Variants in NAP1L4 observed in about 807,000 individuals in gnomAD.
The protein encoded by NAP1L4 is nucleosome assembly protein 1 like 4, also known as nucleosome assembly protein 1-like 4.
In NAP1L4, 15 loss-of-function variants were observed where a neutral mutation model predicts 58.2. The ratio of observed to expected loss-of-function variants is 0.26; its 90% CI spans 0.17 to 0.40. NAP1L4 has a LOEUF of 0.40. Among genes scored for constraint, NAP1L4 ranks in the 10% least tolerant of loss-of-function variants. NAP1L4 has a pLI of 1.00. For synonymous variants in NAP1L4, 171 were observed against 155.6 expected, an observed-to-expected ratio of 1.10 and a Z score of -0.74; for missense variants, 384 against 451.1, an observed-to-expected ratio of 0.85 and a Z score of 1.35.
At chr11:2,957,538 C>T (rs1308802163) in intron 10 of NAP1L4, among the ~76,000 whole-genome samples, 2 of 152,196 alleles carry the variant, frequency 1.3e-5, no homozygotes, top group Non-Finnish European at 2.9e-5. Context: ...GGGCTGGCAT[C>T]TCTTCACTTC....
intron 8 of NAP1L4, among the ~76,000 whole-genome samples, chr11:2,961,125 C>G (rs1304282231): frequency 1.3e-5 from 2 of 151,586 alleles, no homozygotes; most frequent in African/African-American, 2.4e-5. Context: ...AAACCATCAA[C>G]GGGGGGGAAA....
At chr11:2,958,690 G>T in intron 9 of NAP1L4, 146 bp from the exon 10 acceptor site, 2 of 775,134 alleles carry the variant, frequency 2.6e-6, no homozygotes, top group South Asian at 2.0e-5. Context: ...GGCCCATGAA[G>T]TTCATCTGGA....
chr11:2,971,419 A>G lies in NAP1L4; in HGVS notation c.402+29T>C, dbSNP rs1847629657. On this transcript the variant is annotated intron_variant, in intron 6 of 15. Coordinates refer to ENST00000380542, the MANE Select transcript of NAP1L4 (RefSeq NM_005969.4). The surrounding 1 kb of genome is among the most constrained non-coding windows in gnomAD (Gnocchi z 4.2). Reference sequence around the variant, plus strand: ...TTATTTTTAACAGTATTAAAACAGAACATGAGTCACATGTTTCTAAAGACT... The same window carrying G: ...TTATTTTTAACAGTATTAAAACAGAGCATGAGTCACATGTTTCTAAAGACT... The G allele has an allele frequency of 6.3e-7, 1 of 1,592,116 alleles. No individual in the cohort carries two copies. The highest frequency in any genetic ancestry group is 1.7e-5 in the Admixed American group (1 of 59,806).
rs554638540 is a variant in NAP1L4, at chr11:2,951,926, C to G, written c.1036-117G>C. 9.2e-5 allele frequency: 91 copies of G among 991,014 alleles called. No individual in the cohort carries two copies. The highest frequency in any genetic ancestry group is 1.4e-4 in the Non-Finnish European group (87 of 626,476). 61.4% of individuals were successfully genotyped at this position (991,014 alleles called of 1,614,324 possible). ...GCCTAAGAGGAGCAGAAAGTCCAGC[C>G]ACGCTGCCTGCTGGGCCTCGCTTGC... On this transcript the variant is annotated intron_variant, in intron 12 of 15. Transcript: ENST00000380542. This position sits in a 1 kb window ranked among gnomAD's most constrained non-coding sequence, Gnocchi z 4.0.
chr11:2,956,430 A>G (rs1332762361), intron 10 of NAP1L4, among the ~76,000 whole-genome samples: 1 of 152,172 alleles, frequency 6.6e-6, no homozygotes, highest in Non-Finnish European at 1.5e-5. Flanking sequence ...AACATTTACT[A>G]CAAGACCCTG....
At position 2,959,636 on chromosome 11, in the gene NAP1L4, C is replaced by T; in HGVS notation, c.746+134G>A. On this transcript the variant is annotated intron_variant, in intron 9 of 15. Transcript: ENST00000380542. The surrounding 1 kb of genome is among the most constrained non-coding windows in gnomAD (Gnocchi z 4.9). ...CAAACTGAAAGACTATTGAAATATACATCTACCAGGCTTTTAGGCTTTTAA... is the reference window on the plus strand; with the variant it reads ...CAAACTGAAAGACTATTGAAATATATATCTACCAGGCTTTTAGGCTTTTAA... The T allele has an allele frequency of 1.9e-6, 2 of 1,031,582 alleles. No homozygotes were observed. The highest frequency in any genetic ancestry group is 2.8e-5 in the Admixed American group (1 of 36,002). The allele number at this position is 1,031,582 out of a possible 1,614,324, so 63.9% of individuals were successfully genotyped here.
At position 2,984,090 on chromosome 11, in the gene NAP1L4, T is replaced by TG. The variant is rs60032484; in HGVS notation, c.-17-4854dup. On this transcript the variant is annotated intron_variant, in intron 1 of 15. Transcript: ENST00000380542. ...AGAAGCAACACTCAAGCCCAGGAGT[T>TG]GGAGGCCTGGCGGCTGCAGTGAGCT... Among the ~76,000 whole-genome samples, 7 of 144,184 alleles carry TG rather than the reference T, an allele frequency of 4.9e-5. No homozygotes were observed. In the East Asian group the frequency reaches 1.2e-3, roughly 25 times the overall value. 94.6% of individuals were successfully genotyped at this position (144,184 alleles called of 152,430 possible).
chr11:2,964,577 C>G, intron 8 of NAP1L4, 103 bp downstream of exon 8: 6 of 896,114 alleles, frequency 6.7e-6, no homozygotes, highest in Non-Finnish European at 1.1e-5. Context: ...AGATGAGTGG[C>G]TGGGTGTGGG....
intron 7 of NAP1L4, among the ~76,000 whole-genome samples, chr11:2,966,425 C>CAACAGA (rs1847281479): frequency 1.3e-5 from 2 of 151,832 alleles, no homozygotes; most frequent in Non-Finnish European, 2.9e-5. Context: ...ACAGACCTCT[C>CAACAGA]CCTATTTATC....
At position 2,947,070 on chromosome 11, in the gene NAP1L4, G is replaced by A. The variant is rs1024074154; in HGVS notation, c.*33-1424C>T. Among the ~76,000 whole-genome samples, 5 of 152,114 alleles carry A rather than the reference G, an allele frequency of 3.3e-5. 1 individual carries two copies. The highest frequency in any genetic ancestry group is 9.7e-5 in the African/African-American group (4 of 41,408). On this transcript the variant is annotated intron_variant, in intron 15 of 15. Coordinates refer to ENST00000380542, the MANE Select transcript of NAP1L4 (RefSeq NM_005969.4). ...CCATCTTTATGTACATTTAAATTAC[G>A]CAAATACTATGTCATGTCATACACA...
At chr11:2,960,520 A>C (rs1395562016) in intron 8 of NAP1L4, among the ~76,000 whole-genome samples, 3 of 152,024 alleles carry the variant, frequency 2.0e-5, no homozygotes, top group South Asian at 4.1e-4. Context: ...GGCATAGAAC[A>C]ACCAACAGCA....
intron 1 of NAP1L4, among the ~76,000 whole-genome samples, chr11:2,984,528 G>C (rs1280088585): frequency 6.6e-6 from 1 of 152,138 alleles, no homozygotes; most frequent in Non-Finnish European, 1.5e-5. Context: ...CCGAGATCTC[G>C]CCATTGCACT....
chr11:2,985,925 A>G (rs535045208), intron 1 of NAP1L4, among the ~76,000 whole-genome samples: 2 of 152,350 alleles, frequency 1.3e-5, no homozygotes, highest in African/African-American at 2.4e-5. Flanking sequence ...TTTTATTTAT[A>G]TTAGTCACTG....
chr11:2,960,043 T>A (rs1846772474), intron 8 of NAP1L4, 134 bp from the exon 9 acceptor site: 2 of 868,328 alleles, frequency 2.3e-6, no homozygotes, highest in Middle Eastern at 3.5e-4. Flanking sequence ...AAGAAAAACT[T>A]CTCCACCGCA....
chr11:2,945,751 G>A (rs1296567268), intron 15 of NAP1L4, 105 bp from the exon 16 acceptor site: 2 of 887,784 alleles, frequency 2.3e-6, no homozygotes, highest in East Asian at 3.0e-5. Context: ...CATTCTCATT[G>A]AAAAAAATGG....
intron 8 of NAP1L4, among the ~76,000 whole-genome samples, chr11:2,960,585 T>C (rs942971823): frequency 1.3e-5 from 2 of 152,140 alleles, no homozygotes; most frequent in South Asian, 2.1e-4. Context: ...CAAAATGAGA[T>C]GCCTTTCTTT....
chr11:2,969,136 G>A (rs934450676), intron 7 of NAP1L4, among the ~76,000 whole-genome samples: 8 of 151,572 alleles, frequency 5.3e-5, no homozygotes, highest in African/African-American at 9.7e-5. Flanking sequence ...GACCACAGGC[G>A]CACACCACAA....
Position 2,951,673 on chromosome 11 carries a change from C to CA in NAP1L4, c.1065+106dup. On this transcript the variant is annotated intron_variant, in intron 13 of 15. Transcript: ENST00000380542. The surrounding 1 kb of genome is among the most constrained non-coding windows in gnomAD (Gnocchi z 4.0). ...ATTCTTAGAATCAAAGACAGCGTCA[C>CA]AAAAAATGGGTTTAACACAGCCCTG... The CA allele has an allele frequency of 4.5e-6, 5 of 1,112,612 alleles. No homozygotes were observed. The highest frequency in any genetic ancestry group is 6.7e-6 in the Non-Finnish European group (5 of 744,324). 68.9% of individuals were successfully genotyped at this position (1,112,612 alleles called of 1,614,324 possible).
At position 2,971,659 on chromosome 11, in the gene NAP1L4, G is replaced by A. The variant is rs1847642635; in HGVS notation, c.316-125C>T. 2 of 785,902 alleles carry A rather than the reference G, an allele frequency of 2.5e-6. No homozygotes were observed. Among genetic ancestry groups the A allele is most frequent in the Non-Finnish European group, 3.9e-6 (2 of 510,700 alleles). 48.7% of individuals were successfully genotyped at this position (785,902 alleles called of 1,614,324 possible). ...TGGATATTTTTATAACTTATTTTAA[G>A]ATTCTAAATTTTAGGGTTCAAAGAA... is the stretch of plus-strand genomic sequence containing the variant. On this transcript the variant is annotated intron_variant, in intron 5 of 15. Transcript: ENST00000380542. The surrounding 1 kb of genome is among the most constrained non-coding windows in gnomAD (Gnocchi z 4.2).
Sources: gnomAD v4.1 joint callset for allele counts (sites outside exome capture counted in the v4.1 genomes callset) on GRCh38, gnomAD v4.1.1 for gene constraint, Gnocchi (gnomAD v3.1) non-coding constraint, MANE v1.5 for transcripts, NCBI Gene and HGNC (gene_info 2026-07-23, HGNC 2026-07-21) for gene names.